CAMK2A: variants seen among roughly 807,000 people sequenced by gnomAD.
CAMK2A encodes calcium/calmodulin-dependent protein kinase type II subunit alpha.
Under a neutral mutation model 79.2 loss-of-function variants are expected in CAMK2A, and 7 were observed. That is an observed-to-expected ratio of 0.09 (90% CI 0.05 to 0.17). The LOEUF is 0.17. Ranked by LOEUF, CAMK2A falls within the 10% of genes least tolerant of loss-of-function variation. CAMK2A has a pLI of 1.00. For missense variants in CAMK2A, 214 were observed against 646.4 expected (o/e 0.33, Z 7.25); for synonymous variants, 242 against 251.7 (o/e 0.96, Z 0.36).
upstream of CAMK2A, chr5:150,289,926 G>T (rs548534575): frequency 2.2e-5 from 10 of 453,034 alleles, no homozygotes; most frequent in East Asian, 3.2e-4. Context: ...GCTCTCGGAC[G>T]CCCTGACCAT....
intron 15 of CAMK2A, among the ~76,000 whole-genome samples, chr5:150,237,443 T>C (rs908945481): frequency 5.3e-4 from 81 of 152,114 alleles, no homozygotes; most frequent in Non-Finnish European, 8.8e-4. Context: ...GAGCTCCCTG[T>C]CCTGGGGAAG....
chr5:150,256,792 C>T lies in CAMK2A; in HGVS notation c.312G>A (p.Arg104=), dbSNP rs55856831. The change falls in exon 5 of 19, where the codon CGG becomes CGA. Residue 104 remains arginine (R), a synonymous_variant. Transcript: ENST00000671881. The surrounding 1 kb of genome is among the most constrained non-coding windows in gnomAD (Gnocchi z 4.6). ...GGELFEDIVA[R]EYYSEADASH... The stretch of plus-strand genomic sequence containing the variant: ...TGGCATCCGCCTCACTGTAATACTC[C>T]CGGGCCACGATATCTTCAAACAGTT... 3.0e-3 allele frequency: 4,762 copies of T among 1,614,112 alleles called. 92 individuals carry two copies. Among genetic ancestry groups the T allele is most frequent in the East Asian group, 0.02 (889 of 44,872 alleles).
At chr5:150,277,250 C>G (rs12514354) in intron 1 of CAMK2A, among the ~76,000 whole-genome samples, 43,757 of 152,182 alleles carry the variant, frequency 0.29, 6,610 homozygotes, top group East Asian at 0.43. Flanking sequence ...GTCCCACCCA[C>G]ACCTCCTAAA....
intron 15 of CAMK2A, 171 bp downstream of exon 15, chr5:150,238,529 T>A: frequency 5.8e-6 from 4 of 688,208 alleles, no homozygotes; most frequent in Non-Finnish European, 1.1e-5. Flanking sequence ...ACCCCCGCCC[T>A]CCATGGGAAT....
Position 150,223,173 on chromosome 5 carries a change from G to A in CAMK2A, c.1282C>T (p.Pro428Ser). 6.2e-7 allele frequency: 1 copy of A among 1,614,006 alleles called. No homozygotes were observed. Among genetic ancestry groups the A allele is most frequent in the Non-Finnish European group, 8.5e-7 (1 of 1,180,040 alleles). ...TCGTCGCCCATCAGGTGGATGTGGG[G>A]ATTCAGGATGGTGGTGTGCACGGGC... ...SKPVHTTILNPHIHLMGDESA... is the reference protein window; with the variant it reads ...SKPVHTTILNSHIHLMGDESA... The change falls in exon 18 of 19, where the codon CCC becomes TCC. Residue 428 changes from proline (P) to serine (S), a missense_variant. Transcript: ENST00000671881. This position sits in a 1 kb window ranked among gnomAD's most constrained non-coding sequence, Gnocchi z 4.1.
At chr5:150,227,045 T>C (rs1369250496) in intron 17 of CAMK2A, among the ~76,000 whole-genome samples, 1 of 152,026 alleles carries the variant, frequency 6.6e-6, no homozygotes, top group East Asian at 1.9e-4. Context: ...GTGCTGGGAT[T>C]ACATGCGTGA....
In CAMK2A at chr5:150,223,051, G is replaced by T; in HGVS notation, c.1404C>A (p.Arg468=). The T allele has an allele frequency of 6.2e-7, 1 of 1,614,246 alleles. No homozygotes were observed. The highest frequency in any genetic ancestry group is 2.2e-5 in the East Asian group (1 of 44,888). Residue 468 remains arginine, a synonymous_variant, in exon 18 of 19, where the codon CGC becomes CGA. Coordinates refer to ENST00000671881, the MANE Select transcript of CAMK2A (RefSeq NM_015981.4). This position sits in a 1 kb window ranked among gnomAD's most constrained non-coding sequence, Gnocchi z 4.1. ...GGACGATCTGCCATTTGCCATCCCG[G>T]CGGTGCCAGACACGGGTCTCCTCCG... ...AQSEETRVWH[R]RDGKWQIVHF...
intron 3 of CAMK2A, among the ~76,000 whole-genome samples, chr5:150,263,937 G>A (rs1220354766): frequency 6.6e-6 from 1 of 152,236 alleles, no homozygotes; most frequent in Middle Eastern, 3.2e-3. Flanking sequence ...CAGGGAAGGG[G>A]AGGTGCCTTC....
chr5:150,223,000 G>A lies in CAMK2A; in HGVS notation c.1455C>T (p.Ser485=), dbSNP rs192861753. 1.0e-4 allele frequency: 167 copies of A among 1,613,858 alleles called. No homozygotes were observed. In the East Asian group the frequency reaches 1.9e-3, roughly 18 times the overall value. The change falls in exon 18 of 19, where the codon TCC becomes TCT. Residue 485 remains serine, a synonymous_variant. Coordinates refer to ENST00000671881, the MANE Select transcript of CAMK2A (RefSeq NM_015981.4). The stretch of plus-strand genomic sequence containing the variant: ...GGAGGGATTCTTACTGGGGCAGGAC[G>A]GAGGGCGCCCCAGATCTGTGGAAGT... ...IVHFHRSGAP[S]VLPH
intron 18 of CAMK2A, 68 bp from the exon 19 acceptor site, chr5:150,222,781 C>A: frequency 2.5e-6 from 4 of 1,598,050 alleles, no homozygotes; most frequent in Non-Finnish European, 3.4e-6. Flanking sequence ...ACCCACCCTG[C>A]CGCTTTAGAT....
At position 150,219,879 on chromosome 5, in the gene CAMK2A, A is replaced by AT. The variant is rs1468418505; in HGVS notation, c.*2830dup. The AT allele has an allele frequency of 7.3e-6, 1 of 137,264 alleles. No homozygotes were observed. Among genetic ancestry groups the AT allele is most frequent in the Non-Finnish European group, 1.7e-5 (1 of 60,318 alleles). The allele number at this position is 137,264 out of a possible 1,614,324, so 8.5% of individuals were successfully genotyped here. The stretch of plus-strand genomic sequence containing the variant: ...GATTTTTATTTATTTATTTATTATT[A>AT]TTATTATTATTATTTTGCATCTAAA... On this transcript the variant is annotated 3_prime_UTR_variant, in exon 19 of 19. Transcript: ENST00000671881.
chr5:150,265,314 A>G (rs1756467615), intron 2 of CAMK2A: 4 of 381,128 alleles, frequency 1.0e-5, no homozygotes, highest in Non-Finnish European at 2.0e-5. Context: ...CTCAGGCCCT[A>G]TACTCTAGCC....
At chr5:150,245,335 G>A in intron 12 of CAMK2A, 134 bp from the exon 13 acceptor site, 1 of 709,266 alleles carries the variant, frequency 1.4e-6, no homozygotes. Context: ...GATCCTGGGG[G>A]AGGCCTCCTC....
chr5:150,283,434 G>T (rs1377179267), intron 1 of CAMK2A, among the ~76,000 whole-genome samples: 1 of 152,090 alleles, frequency 6.6e-6, no homozygotes, highest in Non-Finnish European at 1.5e-5. Flanking sequence ...GAGTGCAGTG[G>T]CATGATCATA....
intron 13 of CAMK2A, among the ~76,000 whole-genome samples, chr5:150,240,270 A>C (rs1439275241): frequency 2.0e-5 from 3 of 152,204 alleles, no homozygotes; most frequent in Non-Finnish European, 4.4e-5. Flanking sequence ...GAGTTTGATA[A>C]CTAGGTCTGG....
chr5:150,272,984 T>C, intron 2 of CAMK2A, 81 bp downstream of exon 2: 1 of 1,101,778 alleles, frequency 9.1e-7, no homozygotes, highest in Non-Finnish European at 1.4e-6. Flanking sequence ...CAGCCCTGGA[T>C]CCTGGTCTAA....
At position 150,268,203 on chromosome 5, in the gene CAMK2A, G is replaced by C. The variant is rs79848132; in HGVS notation, c.158-3188C>G. 8.3e-3 allele frequency among the ~76,000 whole-genome samples: 1,269 copies of C among 152,142 alleles called. 21 individuals are homozygous for C. Among genetic ancestry groups the C allele is most frequent in the African/African-American group, 0.029 (1,213 of 41,490 alleles). On this transcript the variant is annotated intron_variant, in intron 2 of 18. Transcript: ENST00000671881. ...CTTTTTAAAACATCAATTAAATCCT[G>C]TCCCTCCTTGGCTTCCAACTCTCCA...
At chr5:150,226,699 T>G (rs1281364655) in intron 17 of CAMK2A, among the ~76,000 whole-genome samples, 4 of 109,150 alleles carry the variant, frequency 3.7e-5, no homozygotes, top group Admixed American at 1.3e-4. Context: ...ATCGTGCCAC[T>G]GCACTCCAGC....
rs970694164 is a variant in CAMK2A at position 150,238,586 on chromosome 5, T to C, written c.1066+114A>G. On this transcript the variant is annotated intron_variant, in intron 15 of 18. Coordinates refer to ENST00000671881, the MANE Select transcript of CAMK2A (RefSeq NM_015981.4). ...TTTATAAGGCACCAGAGCGAAGCTC[T>C]CTGTAGATGAGCAAGAAATGAGGTT... The C allele has an allele frequency of 4.8e-6, 5 of 1,038,608 alleles. No homozygotes were observed. In the East Asian group the frequency reaches 1.0e-4, roughly 22 times the overall value. 64.3% of individuals were successfully genotyped at this position (1,038,608 alleles called of 1,614,324 possible).
Sources: gnomAD v4.1 joint callset for allele counts (sites outside exome capture counted in the v4.1 genomes callset) on GRCh38, gnomAD v4.1.1 for gene constraint, Gnocchi (gnomAD v3.1) non-coding constraint, MANE v1.5 for transcripts, NCBI Gene and HGNC (gene_info 2026-07-23, HGNC 2026-07-21) for gene names.